Variants in GRID2 observed in about 807,000 individuals in gnomAD.
GRID2 encodes glutamate receptor ionotropic, delta-2.
A neutral mutation model predicts 114.8 loss-of-function variants in GRID2; 33 were observed. The ratio of observed to expected loss-of-function variants is 0.29; its 90% CI spans 0.22 to 0.38. GRID2 has a LOEUF of 0.38. Ranked by LOEUF, GRID2 falls within the 10% of genes least tolerant of loss-of-function variation. The pLI, the probability that GRID2 is intolerant of heterozygous loss-of-function variation, is 1.00. For synonymous variants in GRID2, 505 were observed against 449.9 expected (o/e 1.12, Z -1.55); for missense variants, 1,184 against 1,257.7 (o/e 0.94, Z 0.89).
At chr4:92,942,195 T>G (rs1751202882) in intron 2 of GRID2, among the ~76,000 whole-genome samples, 2 of 152,196 alleles carry the variant, frequency 1.3e-5, no homozygotes, top group Admixed American at 6.6e-5. Context: ...TATTATTGTG[T>G]TGGAGTCTAA....
chr4:92,946,892 G>T (rs1322393459), intron 2 of GRID2, among the ~76,000 whole-genome samples: 2 of 152,016 alleles, frequency 1.3e-5, no homozygotes, highest in Admixed American at 1.3e-4. Context: ...TGATACTGCT[G>T]ATCTGAGAGC....
At chr4:93,637,887 G>C (rs775282565) in intron 14 of GRID2, among the ~76,000 whole-genome samples, 1 of 152,022 alleles carries the variant, frequency 6.6e-6, no homozygotes, top group Non-Finnish European at 1.5e-5. Context: ...ATAGTTCTTT[G>C]AGCAGCTCAA....
At chr4:93,802,597 G>T (rs922446334) in intron 1 of GRID2, among the ~76,000 whole-genome samples, 59 of 152,102 alleles carry the variant, frequency 3.9e-4, no homozygotes, top group Non-Finnish European at 1.3e-4. Flanking sequence ...CAGAATCTTC[G>T]AATTGTGCAT....
In GRID2 at chr4:92,913,601, T is replaced by A. The variant is rs143994144; in HGVS notation, c.245-171394T>A. On this transcript the variant is annotated intron_variant, in intron 2 of 15. Coordinates refer to ENST00000282020, the MANE Select transcript of GRID2 (RefSeq NM_001510.4). Reference sequence around the variant, plus strand: ...ATGTTATTTTCTTTTGTAATTAGACTGTATACGGGCATCTAATCACTAGCA... The same window carrying A: ...ATGTTATTTTCTTTTGTAATTAGACAGTATACGGGCATCTAATCACTAGCA... 6.6e-5 allele frequency among the ~76,000 whole-genome samples: 10 copies of A among 152,136 alleles called. No homozygotes were observed. The East Asian group carries it at 1.9e-3, about 29-fold the overall frequency.
chr4:92,370,038 C>T (rs1391655513), intron 1 of GRID2, among the ~76,000 whole-genome samples: 1 of 152,034 alleles, frequency 6.6e-6, no homozygotes, highest in African/African-American at 2.4e-5. Flanking sequence ...AAGTTTGTGG[C>T]AACCATATAT....
intron 11 of GRID2, among the ~76,000 whole-genome samples, chr4:93,479,351 T>G (rs986084348): frequency 1.3e-5 from 2 of 152,006 alleles, no homozygotes; most frequent in African/African-American, 4.8e-5. Context: ...TGCAATAAAG[T>G]GAAATTCAAT....
Position 92,653,154 on chromosome 4 carries a change from C to T in GRID2, c.244+62868C>T, listed in dbSNP as rs1482862310. On this transcript the variant is annotated intron_variant, in intron 2 of 15. Transcript: ENST00000282020. ...CTGGGATTACAGGCACTTGCCACCACACCCGGCTAATTTTTTTGTATTTTT... is the reference window on the plus strand; with the variant it reads ...CTGGGATTACAGGCACTTGCCACCATACCCGGCTAATTTTTTTGTATTTTT... Among the ~76,000 whole-genome samples the T allele has an allele frequency of 5.3e-5, 8 of 150,430 alleles. 1 individual carries two copies. Among genetic ancestry groups the T allele is most frequent in the Non-Finnish European group, 1.2e-4 (8 of 67,680 alleles).
intron 2 of GRID2, among the ~76,000 whole-genome samples, chr4:92,744,506 AT>A (rs1322811191): frequency 5.4e-5 from 8 of 149,170 alleles, no homozygotes; most frequent in African/African-American, 1.2e-4. Flanking sequence ...AAAAAAAAAA[AT>A]TTTTTTTCAG....
At chr4:93,614,441 A>G (rs1411531817) in intron 13 of GRID2, among the ~76,000 whole-genome samples, 1 of 152,216 alleles carries the variant, frequency 6.6e-6, no homozygotes, top group East Asian at 1.9e-4. Flanking sequence ...TTAGATAGAC[A>G]ACCCAGAACA....
At chr4:92,675,965 C>T (rs536307301) in intron 2 of GRID2, among the ~76,000 whole-genome samples, 22 of 152,104 alleles carry the variant, frequency 1.4e-4, no homozygotes, top group African/African-American at 4.6e-4. Context: ...TACAGCCCTA[C>T]GCTATATGTT....
intron 8 of GRID2, among the ~76,000 whole-genome samples, chr4:93,316,391 AAG>A (rs1756666290): frequency 2.4e-5 from 1 of 41,824 alleles, no homozygotes; most frequent in Non-Finnish European, 4.5e-5. Context: ...AAGAATAGAA[AAG>A]GAAGGAAGGA....
At chr4:93,117,934 G>A (rs1338792387) in intron 4 of GRID2, among the ~76,000 whole-genome samples, 1 of 152,176 alleles carries the variant, frequency 6.6e-6, no homozygotes, top group Non-Finnish European at 1.5e-5. Flanking sequence ...TAGAAGCAAT[G>A]ATTCAGTATT....
chr4:92,540,527 A>C (rs1451859823), intron 1 of GRID2, among the ~76,000 whole-genome samples: 13 of 152,218 alleles, frequency 8.5e-5, no homozygotes, highest in Non-Finnish European at 1.8e-4. Flanking sequence ...ATGCAGCCAA[A>C]AGACACATGA....
intron 13 of GRID2, among the ~76,000 whole-genome samples, chr4:93,565,725 C>T (rs1224113767): frequency 1.6e-4 from 24 of 152,140 alleles, no homozygotes; most frequent in Admixed American, 1.6e-3. Flanking sequence ...TCCTAGCATA[C>T]GTCTAACCTC....
intron 8 of GRID2, among the ~76,000 whole-genome samples, chr4:93,274,595 A>G (rs1258115171): frequency 6.6e-6 from 1 of 152,082 alleles, no homozygotes; most frequent in Non-Finnish European, 1.5e-5. Flanking sequence ...AAAAATGCTC[A>G]TAGACACTTA....
intron 2 of GRID2, among the ~76,000 whole-genome samples, chr4:92,600,669 A>G (rs1214663661): frequency 6.6e-6 from 1 of 152,122 alleles, no homozygotes; most frequent in Admixed American, 6.5e-5. Context: ...CTCGGGGTCC[A>G]CTTCAGACCC....
rs1354773074 is a variant in GRID2 at position 92,304,190 on chromosome 4, C to T, written c.-467C>T. 3 of 165,670 alleles carry T rather than the reference C, an allele frequency of 1.8e-5. No individual in the cohort carries two copies. Among genetic ancestry groups the T allele is most frequent in the Non-Finnish European group, 3.7e-5 (3 of 80,464 alleles). The allele number at this position is 165,670 out of a possible 1,614,324, so 10.3% of individuals were successfully genotyped here. A position where few individuals can be genotyped will look rare whatever the true frequency, so the allele number is the denominator to read the frequency against. On this transcript the variant is annotated 5_prime_UTR_variant, in exon 1 of 16. Transcript: ENST00000282020. ...GGCAGCGAAGACCAGTGATTCTCTG[C>T]GGGCTGTAGGGGCGGGGGCGGGGGT...
chr4:92,616,836 A>G (rs1012787287), intron 2 of GRID2, among the ~76,000 whole-genome samples: 1 of 150,772 alleles, frequency 6.6e-6, no homozygotes, highest in Non-Finnish European at 1.5e-5. Context: ...TGCTTTTTTG[A>G]TTGCTGTTTT....
At chr4:93,363,808 A>G (rs1762092126) in intron 8 of GRID2, among the ~76,000 whole-genome samples, 1 of 151,876 alleles carries the variant, frequency 6.6e-6, no homozygotes, top group Non-Finnish European at 1.5e-5. Flanking sequence ...CTCTTCCAAA[A>G]CTATCATAAG....
Sources: allele counts gnomAD v4.1 joint callset (sites outside exome capture counted in the v4.1 genomes callset), GRCh38; gene constraint gnomAD v4.1.1; transcripts MANE v1.5; gene names NCBI Gene and HGNC (gene_info 2026-07-23, HGNC 2026-07-21).